GRAP2: variants seen among roughly 807,000 people sequenced by gnomAD.
The protein encoded by GRAP2 is GRB2 related adaptor protein 2.
A neutral mutation model predicts 43.5 loss-of-function variants in GRAP2; 31 were observed. That is an observed-to-expected ratio of 0.71 (90% CI 0.54 to 0.96). The LOEUF (loss-of-function observed/expected upper bound fraction) is 0.96. GRAP2 is among the 40% of genes least tolerant of loss of function. The pLI, the probability that GRAP2 is intolerant of heterozygous loss-of-function variation, is 0.00. For missense variants in GRAP2, 371 were observed against 424.4 expected (o/e 0.87, Z 1.11); for synonymous variants, 156 against 164.8 (o/e 0.95, Z 0.41).
rs1293157995 is a variant in GRAP2 at position 39,971,005 on chromosome 22, A to G, written c.914A>G (p.Asn305Ser). 6.8e-6 allele frequency: 11 copies of G among 1,613,560 alleles called. No individual in the cohort carries two copies. The highest frequency in any genetic ancestry group is 9.3e-6 in the Non-Finnish European group (11 of 1,179,808). Residue 305 changes from asparagine to serine, a missense_variant, in exon 8 of 8, where the codon AAC becomes AGC. By Grantham distance (46) the Asn-to-Ser change is conservative. Transcript: ENST00000344138. ...GTGGTGGAGGTCCTGGATAGCTCCA[A>G]CCCATCCTGGTGGACCGGCCGCCTG... is the stretch of plus-strand genomic sequence containing the variant. ...GEVVEVLDSS[N>S]PSWWTGRLHN...
upstream of GRAP2, among the ~76,000 whole-genome samples, chr22:39,898,632 G>A (rs1461501802): frequency 2.0e-5 from 3 of 152,140 alleles, no homozygotes; most frequent in Admixed American, 6.5e-5. Flanking sequence ...GACCAACATG[G>A]CGAAACCTCA....
At chr22:39,969,125 C>T (rs1381193167) in intron 6 of GRAP2, among the ~76,000 whole-genome samples, 1 of 152,250 alleles carries the variant, frequency 6.6e-6, no homozygotes, top group African/African-American at 2.4e-5. Flanking sequence ...CAGAGACCTT[C>T]TCTTTCCAGC....
At chr22:39,941,597 A>G (rs1383572966) in intron 1 of GRAP2, among the ~76,000 whole-genome samples, 1 of 152,214 alleles carries the variant, frequency 6.6e-6, no homozygotes, top group Non-Finnish European at 1.5e-5. Context: ...TATCAAAAGA[A>G]TAATAATACT....
At chr22:39,932,615 G>C (rs1196650003) in intron 1 of GRAP2, among the ~76,000 whole-genome samples, 2 of 151,160 alleles carry the variant, frequency 1.3e-5, no homozygotes, top group Admixed American at 6.6e-5. Context: ...CTATTTGGGA[G>C]GCTGAGACAG....
intron 6 of GRAP2, 41 bp downstream of exon 6, chr22:39,968,313 G>A (rs2067197268): frequency 6.3e-7 from 1 of 1,592,592 alleles, no homozygotes; most frequent in South Asian, 1.1e-5. Flanking sequence ...CGGTGGAAAG[G>A]AGAACCTGCC....
At chr22:39,920,875 A>C (rs1345240799) in intron 1 of GRAP2, among the ~76,000 whole-genome samples, 1 of 151,866 alleles carries the variant, frequency 6.6e-6, no homozygotes, top group Non-Finnish European at 1.5e-5. Flanking sequence ...CATTAGCAGG[A>C]CAAGACCTGA....
chr22:39,915,396 C>A (rs1601693076), intron 1 of GRAP2, among the ~76,000 whole-genome samples: 2 of 152,026 alleles, frequency 1.3e-5, no homozygotes, highest in Admixed American at 6.5e-5. Flanking sequence ...CCACCCTGTT[C>A]CTTGCTCCAC....
At chr22:39,945,402 G>A (rs2066911644) in intron 1 of GRAP2, among the ~76,000 whole-genome samples, 1 of 152,140 alleles carries the variant, frequency 6.6e-6, no homozygotes, top group South Asian at 2.1e-4. Context: ...TGTTGCAGTC[G>A]GCTTTAATCC....
intron 3 of GRAP2, among the ~76,000 whole-genome samples, chr22:39,959,826 T>G (rs897454213): frequency 6.6e-6 from 1 of 152,202 alleles, no homozygotes; most frequent in African/African-American, 2.4e-5. Context: ...GGAGAGAGAC[T>G]TCTCCTGGAG....
At chr22:39,898,806 C>T (rs2066475387), upstream of GRAP2, among the ~76,000 whole-genome samples, 1 of 152,106 alleles carries the variant, frequency 6.6e-6, no homozygotes, top group Non-Finnish European at 1.5e-5. Context: ...GAGCGAGACT[C>T]AGTCTCCAAA....
At chr22:39,932,733 A>G (rs947486199) in intron 1 of GRAP2, among the ~76,000 whole-genome samples, 4 of 151,564 alleles carry the variant, frequency 2.6e-5, no homozygotes, top group Admixed American at 2.6e-4. Context: ...AAAAAAAAAA[A>G]GTAGCAATAG....
upstream of GRAP2, among the ~76,000 whole-genome samples, chr22:39,897,388 A>G (rs1266455689): frequency 5.3e-5 from 8 of 152,186 alleles, no homozygotes; most frequent in African/African-American, 1.7e-4. Context: ...TACAAGATAC[A>G]ATAACATTAT....
chr22:39,923,847 G>A (rs986309896), intron 1 of GRAP2, among the ~76,000 whole-genome samples: 1 of 152,294 alleles, frequency 6.6e-6, no homozygotes, highest in Non-Finnish European at 1.5e-5. Context: ...TCACTGCCCG[G>A]TTACAAATTC....
rs550636732 is a variant in GRAP2 at position 39,941,455 on chromosome 22, A to C, written c.-14-5638A>C. On this transcript the variant is annotated intron_variant, in intron 1 of 7. Coordinates refer to ENST00000344138, the MANE Select transcript of GRAP2 (RefSeq NM_004810.4). ...TTTCCCCTTAAGAAGTTTATAAACT[A>C]TTAGGGGGAGATAGGATATAGATAT... is the stretch of plus-strand genomic sequence containing the variant. Among the ~76,000 whole-genome samples the C allele has an allele frequency of 1.5e-4, 23 of 152,332 alleles. No individual in the cohort carries two copies. In the South Asian group the frequency reaches 4.3e-3, roughly 29 times the overall value.
At chr22:39,928,175 C>CT (rs200228700) in intron 1 of GRAP2, among the ~76,000 whole-genome samples, 301 of 151,738 alleles carry the variant, frequency 2.0e-3, no homozygotes, top group African/African-American at 6.6e-3. Flanking sequence ...TGAAACACCT[C>CT]TTTTTTTTTG....
chr22:39,901,019 A>C (rs2066488996), upstream of GRAP2: 1 of 259,064 alleles, frequency 3.9e-6, no homozygotes, highest in African/African-American at 2.2e-5. Context: ...AAAACCACAT[A>C]ATCTAAGGCT....
intron 4 of GRAP2, among the ~76,000 whole-genome samples, chr22:39,961,476 A>G (rs1032492907): frequency 6.6e-5 from 10 of 152,240 alleles, no homozygotes; most frequent in African/African-American, 2.4e-4. Context: ...GGCTACTTCA[A>G]CACAGTACAG....
chr22:39,903,202 TG>T (rs909106540), intron 1 of GRAP2, among the ~76,000 whole-genome samples: 5 of 152,328 alleles, frequency 3.3e-5, no homozygotes, highest in African/African-American at 1.2e-4. Context: ...TGGATAATCC[TG>T]GGGGCAGATG....
Position 39,973,538 on chromosome 22 carries a change from G to T in GRAP2, c.*2454G>T, listed in dbSNP as rs2067266377. 6.6e-6 allele frequency: 1 copy of T among 152,220 alleles called. No individual in the cohort carries two copies. The highest frequency in any genetic ancestry group is 2.4e-5 in the African/African-American group (1 of 41,450). The allele number at this position is 152,220 out of a possible 1,614,324, so 9.4% of individuals were successfully genotyped here. On this transcript the variant is annotated 3_prime_UTR_variant, in exon 8 of 8. Transcript: ENST00000344138. ...GAGTATTTTGTACTGAGATGCCAAA[G>T]CATCTTTCCCTTGCTCATCAGCCTC...
Sources: gnomAD v4.1 joint callset for allele counts (sites outside exome capture counted in the v4.1 genomes callset) on GRCh38, gnomAD v4.1.1 for gene constraint, MANE v1.5 for transcripts, NCBI Gene and HGNC (gene_info 2026-07-23, HGNC 2026-07-21) for gene names.